FLG2: variants seen among roughly 807,000 people sequenced by gnomAD.
The protein encoded by FLG2 is filaggrin-2.
FLG2 carries 7 observed loss-of-function variants against 3.9 expected under a neutral mutation model. That is an observed-to-expected ratio of 1.79 (90% CI 1.02 to 3.36). FLG2 has a LOEUF of 3.36. Ranked by LOEUF, FLG2 falls within the 30% of genes most tolerant of loss-of-function variation. The pLI, the probability that FLG2 is intolerant of heterozygous loss-of-function variation, is 0.00. For synonymous variants in FLG2, 1,031 were observed against 1,056.1 expected (o/e 0.98, Z 0.46); for missense variants, 2,700 against 2,809.4 (o/e 0.96, Z 0.88).
chr1:152,354,654 G>A lies in FLG2; in HGVS notation c.3132C>T (p.Gly1044=). ...QYSGFGQHGS[G]SDQSSGFGQH... ...GTCCAAAGCCAGAGGACTGATCTGA[G>A]CCTGATCCATGTTGTCCAAAGCCTG... Residue 1044 remains glycine (G), a synonymous_variant, in exon 3 of 3, where the codon GGC becomes GGT. Coordinates refer to ENST00000388718, the MANE Select transcript of FLG2 (RefSeq NM_001014342.3). The A allele has an allele frequency of 1.2e-6, 2 of 1,614,052 alleles. No homozygotes were observed. The highest frequency in any genetic ancestry group is 1.7e-6 in the Non-Finnish European group (2 of 1,180,028).
chr1:152,351,987 G>A lies in FLG2; in HGVS notation c.5799C>T (p.Gly1933=). Residue 1933 remains glycine (G), a synonymous_variant, in exon 3 of 3, where the codon GGC becomes GGT. Coordinates refer to ENST00000388718, the MANE Select transcript of FLG2 (RefSeq NM_001014342.3). ...GTATGGTTTGTCCATGACTAGGGTG[G>A]CCATGTTCAGTGGTATCTCCTGTCT... ...HGQTGDTTEH[G]HPSHGQTIQT... 1 of 1,612,718 alleles carries A rather than the reference G, an allele frequency of 6.2e-7. No individual in the cohort carries two copies. Among genetic ancestry groups the A allele is most frequent in the East Asian group, 2.2e-5 (1 of 44,766 alleles).
At position 152,351,975 on chromosome 1, in the gene FLG2, A is replaced by G. The variant is rs751143934; in HGVS notation, c.5811T>C (p.His1937=). The change falls in exon 3 of 3, where the codon CAT becomes CAC. Residue 1937 remains histidine, a synonymous_variant. Coordinates refer to ENST00000388718, the MANE Select transcript of FLG2 (RefSeq NM_001014342.3). ...GDTTEHGHPS[H]GQTIQTGSRT... ...TGGACCCTGTCTGTATGGTTTGTCC[A>G]TGACTAGGGTGGCCATGTTCAGTGG... The G allele has an allele frequency of 6.2e-7, 1 of 1,613,404 alleles. No individual in the cohort carries two copies. The highest frequency in any genetic ancestry group is 8.5e-7 in the Non-Finnish European group (1 of 1,179,814).
Position 152,355,607 on chromosome 1 carries a change from C to G in FLG2, c.2179G>C (p.Gly727Arg), listed in dbSNP as rs1337576256. The G allele has an allele frequency of 1.2e-6, 2 of 1,609,680 alleles. No homozygotes were observed. Among genetic ancestry groups the G allele is most frequent in the Non-Finnish European group, 1.7e-6 (2 of 1,179,066 alleles). The part of the protein sequence containing the change: ...SGFGQHELSS[G>R]QSSSFGQHGS... ...TGTTGGCCAAAGCTGGAAGACTGAC[C>G]TGAGCTTAACTCGTGTTGTCCAAAT... is the stretch of plus-strand genomic sequence containing the variant. Residue 727 changes from glycine to arginine, a missense_variant, in exon 3 of 3, where the codon GGT (glycine) becomes CGT (arginine). Physicochemically the swap from Gly to Arg is moderately radical, Grantham distance 125. Transcript: ENST00000388718.
At position 152,352,399 on chromosome 1, in the gene FLG2, G is replaced by A. The variant is rs1415363317; in HGVS notation, c.5387C>T (p.Thr1796Ile). 2.5e-6 allele frequency: 4 copies of A among 1,613,890 alleles called. No homozygotes were observed. The highest frequency in any genetic ancestry group is 1.3e-5 in the African/African-American group (1 of 74,926). Residue 1796 changes from threonine to isoleucine, a missense_variant, in exon 3 of 3, where the codon ACT (threonine) becomes ATT (isoleucine). Transcript: ENST00000388718. ...ACTGTGGCCAGATGACCTTCTTCCAGTGGTCCTGGACCCTGTCTGTGTGGA... is the reference window on the plus strand; with the variant it reads ...ACTGTGGCCAGATGACCTTCTTCCAATGGTCCTGGACCCTGTCTGTGTGGA... ...GQSTQTGSRT[T>I]GRRSSGHSEY...
rs755887285 is a variant in FLG2, at chr1:152,350,675, T to G, written c.7111A>C (p.Ile2371Leu). 27 of 1,614,228 alleles carry G rather than the reference T, an allele frequency of 1.7e-5. No individual in the cohort carries two copies. The highest frequency in any genetic ancestry group is 2.2e-5 in the Non-Finnish European group (26 of 1,180,040). The change falls in exon 3 of 3, where the codon ATC becomes CTC. Residue 2371 changes from isoleucine (I) to leucine (L), a missense_variant. Coordinates refer to ENST00000388718, the MANE Select transcript of FLG2 (RefSeq NM_001014342.3). Reference sequence around the variant, plus strand: ...GACCATGAAAGGTGAGAATTACTGATGCTTTTTCTGCTGCCACCAGAAGGC... The same window carrying G: ...GACCATGAAAGGTGAGAATTACTGAGGCTTTTTCTGCTGCCACCAGAAGGC... ...YGPSGGSRKS[I>L]SNSHLSWSTD... is the part of the protein sequence containing the mutation.
In FLG2 at chr1:152,352,393, C is replaced by T. The variant is rs754083259; in HGVS notation, c.5393G>A (p.Arg1798Lys). 2.5e-6 allele frequency: 4 copies of T among 1,613,986 alleles called. No individual in the cohort carries two copies. The South Asian group carries it at 4.4e-5, about 18-fold the overall frequency. The change falls in exon 3 of 3, where the codon AGA (arginine) becomes AAA (lysine). Residue 1798 changes from arginine to lysine, a missense_variant. Coordinates refer to ENST00000388718, the MANE Select transcript of FLG2 (RefSeq NM_001014342.3). ...GTACTCACTGTGGCCAGATGACCTT[C>T]TTCCAGTGGTCCTGGACCCTGTCTG... ...STQTGSRTTG[R>K]RSSGHSEYSD...
Position 152,351,516 on chromosome 1 carries a change from G to C in FLG2, c.6270C>G (p.Ser2090=). The C allele has an allele frequency of 6.2e-7, 1 of 1,612,212 alleles. No individual in the cohort carries two copies. Among genetic ancestry groups the C allele is most frequent in the Non-Finnish European group, 8.5e-7 (1 of 1,179,616 alleles). ...TRHAHSGHGQ[S]TQRGSRTAGR... ...CAGCTGTCCTTGACCCTCTCTGTGT[G>C]GACTGTCCATGACCAGAGTGAGCAT... The change falls in exon 3 of 3, where the codon TCC becomes TCG. Residue 2090 remains serine, a synonymous_variant. Transcript: ENST00000388718.
In FLG2 at chr1:152,353,435, C is replaced by T. The variant is rs768696022; in HGVS notation, c.4351G>A (p.Gly1451Arg). Reference sequence around the variant, plus strand: ...GATCCTGACTCTCCATGTTGAGATCCGGCTTGGCCATGAGTTTGTTCTTGT... The same window carrying T: ...GATCCTGACTCTCCATGTTGAGATCTGGCTTGGCCATGAGTTTGTTCTTGT... ...QSQEQTHGQA[G>R]SQHGESGSTV... The change falls in exon 3 of 3, where the codon GGA becomes AGA. Residue 1451 changes from glycine to arginine, a missense_variant. Physicochemically the swap from Gly to Arg is moderately radical, Grantham distance 125. Coordinates refer to ENST00000388718, the MANE Select transcript of FLG2 (RefSeq NM_001014342.3). 3.1e-5 allele frequency: 50 copies of T among 1,611,672 alleles called. No individual in the cohort carries two copies. The Admixed American group carries it at 4.0e-4, about 13-fold the overall frequency.
In FLG2 at chr1:152,353,985, T is replaced by C. The variant is rs1557897225; in HGVS notation, c.3801A>G (p.Arg1267=). 6.2e-7 allele frequency: 1 copy of C among 1,614,238 alleles called. No homozygotes were observed. The highest frequency in any genetic ancestry group is 8.5e-7 in the Non-Finnish European group (1 of 1,180,034). ...TGTTCTCACTTTGGCTAGATCTTCG[T>C]CTTCTAGTTACCCTGGACCCTGTCT... ...STQTGSRVTR[R]RRSSQSENSD... is the part of the protein sequence containing the mutation. Residue 1267 remains arginine (R), a synonymous_variant, in exon 3 of 3, where the codon AGA becomes AGG. Coordinates refer to ENST00000388718, the MANE Select transcript of FLG2 (RefSeq NM_001014342.3).
Position 152,353,224 on chromosome 1 carries a change from G to A in FLG2, c.4562C>T (p.Thr1521Ile), listed in dbSNP as rs771513561. 3.1e-5 allele frequency: 48 copies of A among 1,565,718 alleles called. 2 individuals are homozygous for A. In the South Asian group the frequency reaches 5.5e-4, roughly 18 times the overall value. The change falls in exon 3 of 3, where the codon ACT (threonine) becomes ATT (isoleucine). Residue 1521 changes from threonine to isoleucine, a missense_variant. Physicochemically the swap from Thr to Ile is moderately conservative, Grantham distance 89 (BLOSUM62 -1). Coordinates refer to ENST00000388718, the MANE Select transcript of FLG2 (RefSeq NM_001014342.3). ...SGGSHTHSGHTHGQSGSQHGE... is the reference protein window; with the variant it reads ...SGGSHTHSGHIHGQSGSQHGE... ...ATGTTGAGATCCACTTTGGCCGTGA[G>A]TGTGTCCTGAATGTGTGTGCGAGCC...
rs763813118 is a variant in FLG2 at position 152,355,104 on chromosome 1, G to A, written c.2682C>T (p.Ser894=). 8.4e-6 allele frequency: 13 copies of A among 1,554,656 alleles called. 1 individual carries two copies. In the South Asian group the frequency reaches 1.6e-4, roughly 19 times the overall value. The change falls in exon 3 of 3, where the codon TCC becomes TCT. Residue 894 remains serine, a synonymous_variant. Coordinates refer to ENST00000388718, the MANE Select transcript of FLG2 (RefSeq NM_001014342.3). ...FGQHGSGSGQ[S]SGFGQHGTGS... is the part of the protein sequence containing the mutation. Reference sequence around the variant, plus strand: ...CAGTCCCATGTTGTCCAAAGCCACTGGACTGACCTGAGCCTGATCCATGTT... The same window carrying A: ...CAGTCCCATGTTGTCCAAAGCCACTAGACTGACCTGAGCCTGATCCATGTT...
chr1:152,352,444 G>C lies in FLG2; in HGVS notation c.5342C>G (p.Ala1781Gly), dbSNP rs201132861. 6.2e-7 allele frequency: 1 copy of C among 1,612,934 alleles called. No individual in the cohort carries two copies. Among genetic ancestry groups the C allele is most frequent in the African/African-American group, 1.3e-5 (1 of 74,624 alleles). ...TGTGGACTGTCCATGACCAGAGTGG[G>C]CATGTCTGGTGGTATCGCCTGTCTG... ...HGQTGDTTRH[A>G]HSGHGQSTQT... is the part of the protein sequence containing the mutation. The change falls in exon 3 of 3, where the codon GCC becomes GGC. Residue 1781 changes from alanine (A) to glycine (G), a missense_variant. Physicochemically the swap from Ala to Gly is moderately conservative, Grantham distance 60. Transcript: ENST00000388718.
At position 152,356,451 on chromosome 1, in the gene FLG2, A is replaced by G. The variant is rs368123336; in HGVS notation, c.1335T>C (p.His445=). 6.2e-7 allele frequency: 1 copy of G among 1,614,240 alleles called. No individual in the cohort carries two copies. Residue 445 remains histidine (H), a synonymous_variant, in exon 3 of 3, where the codon CAT becomes CAC. Coordinates refer to ENST00000388718, the MANE Select transcript of FLG2 (RefSeq NM_001014342.3). ...GLSQSSGFEQ[H]VCGSGQTCGQ... ...CACAAGTTTGACCTGAGCCACATAC[A>G]TGTTGTTCGAACCCAGAGGACTGAC...
chr1:152,351,490 C>T lies in FLG2; in HGVS notation c.6296G>A (p.Gly2099Glu). Residue 2099 changes from glycine (G) to glutamate (E), a missense_variant, in exon 3 of 3, where the codon GGA (glycine) becomes GAA (glutamate). Gly to Glu is a moderately conservative substitution (Grantham distance 98). Coordinates refer to ENST00000388718, the MANE Select transcript of FLG2 (RefSeq NM_001014342.3). ...CTCACTGTGGCCAGATCCCCTTCTT[C>T]CAGCTGTCCTTGACCCTCTCTGTGT... ...QSTQRGSRTA[G>E]RRGSGHSESS... 6.2e-7 allele frequency: 1 copy of T among 1,612,474 alleles called. No individual in the cohort carries two copies. Among genetic ancestry groups the T allele is most frequent in the Non-Finnish European group, 8.5e-7 (1 of 1,179,612 alleles).
At position 152,353,244 on chromosome 1, in the gene FLG2, C is replaced by G; in HGVS notation, c.4542G>C (p.Ser1514=). Residue 1514 remains serine, a synonymous_variant, in exon 3 of 3, where the codon TCG becomes TCC. Transcript: ENST00000388718. ...CGTGAGTGTGTCCTGAATGTGTGTG[C>G]GAGCCCCCTGAGTGCACTTCACTGT... The part of the protein sequence containing the change: ...SSDSEVHSGG[S]HTHSGHTHGQ... 1 of 1,529,994 alleles carries G rather than the reference C, an allele frequency of 6.5e-7. No individual in the cohort carries two copies. Among genetic ancestry groups the G allele is most frequent in the Non-Finnish European group, 8.8e-7 (1 of 1,137,928 alleles). 94.8% of individuals were successfully genotyped at this position (1,529,994 alleles called of 1,614,324 possible). A position where few individuals can be genotyped will look rare whatever the true frequency, so the allele number is the denominator to read the frequency against.
rs2282302 is a variant in FLG2 at position 152,356,893 on chromosome 1, C to A, written c.893G>T (p.Cys298Phe). 2.5e-6 allele frequency: 4 copies of A among 1,613,984 alleles called. No homozygotes were observed. The South Asian group carries it at 4.4e-5, about 18-fold the overall frequency. ...TTGCCCTCCAAATCTATGTGACTGACAAGAACTTGAAGCATTTTGTGGCCT... is the reference window on the plus strand; with the variant it reads ...TTGCCCTCCAAATCTATGTGACTGAAAAGAACTTGAAGCATTTTGTGGCCT... Reference protein sequence around the residue: ...CGRPQNASSSCQSHRFGGQGN... With the variant: ...CGRPQNASSSFQSHRFGGQGN... Residue 298 changes from cysteine to phenylalanine, a missense_variant, in exon 3 of 3, where the codon TGT (cysteine) becomes TTT (phenylalanine). Transcript: ENST00000388718.
chr1:152,356,688 A>G lies in FLG2; in HGVS notation c.1098T>C (p.Cys366=), dbSNP rs537137373. The change falls in exon 3 of 3, where the codon TGT becomes TGC. Residue 366 remains cysteine (C), a synonymous_variant. Transcript: ENST00000388718. The stretch of plus-strand genomic sequence containing the variant: ...TTGAGCCTGTTCTCCATTGTCCTCC[A>G]CAGTTCTGTGGTTGACCATTTTCTC... The part of the protein sequence containing the change: ...GARENGQPQN[C]GGQWRTGSSQ... The G allele has an allele frequency of 7.9e-5, 127 of 1,614,220 alleles. 2 individuals carry two copies. The South Asian group carries it at 1.3e-3, about 16-fold the overall frequency.
chr1:152,358,664 G>A (rs1654339150), intron 2 of FLG2, 83 bp downstream of exon 2: 2 of 1,396,666 alleles, frequency 1.4e-6, no homozygotes, highest in African/African-American at 1.5e-5. Flanking sequence ...CACTGGGGCT[G>A]TGCACTTTTT....
chr1:152,351,858 G>A lies in FLG2; in HGVS notation c.5928C>T (p.His1976=), dbSNP rs761559123. ...GVSHTHSGHT[H]GQAGSHYPES... Reference sequence around the variant, plus strand: ...CTGGATAGTGAGATCCAGCTTGACCGTGAGTGTGTCCTGAATGTGTGTGTG... The same window carrying A: ...CTGGATAGTGAGATCCAGCTTGACCATGAGTGTGTCCTGAATGTGTGTGTG... Residue 1976 remains histidine (H), a synonymous_variant, in exon 3 of 3, where the codon CAC becomes CAT. Transcript: ENST00000388718. The A allele has an allele frequency of 2.1e-5, 33 of 1,590,636 alleles. No individual in the cohort carries two copies. Among genetic ancestry groups the A allele is most frequent in the African/African-American group, 5.8e-5 (4 of 69,244 alleles).
Sources: gnomAD v4.1 joint callset for allele counts on GRCh38, gnomAD v4.1.1 for gene constraint, MANE v1.5 for transcripts, NCBI Gene and HGNC (gene_info 2026-07-23, HGNC 2026-07-21) for gene names.